Variants in CLK1 observed in about 807,000 individuals in gnomAD.
The protein encoded by CLK1 is CDC like kinase 1, also known as dual specificity protein kinase CLK1.
Under a neutral mutation model 60.9 loss-of-function variants are expected in CLK1, and 40 were observed. The ratio of observed to expected loss-of-function variants is 0.66; its 90% CI spans 0.51 to 0.86. The LOEUF (loss-of-function observed/expected upper bound fraction) is 0.86. CLK1 is among the 40% of genes least tolerant of loss of function. The pLI, the probability that CLK1 is intolerant of heterozygous loss-of-function variation, is 0.00. For missense variants in CLK1, 563 were observed against 606.1 expected, an observed-to-expected ratio of 0.93 and a Z score of 0.75; for synonymous variants, 203 against 184.4, an observed-to-expected ratio of 1.10 and a Z score of -0.82.
intron 3 of CLK1, chr2:200,860,704 G>A: frequency 1.0e-6 from 1 of 997,438 alleles, no homozygotes. Context: ...AAAAGATTTG[G>A]CATACAAGAA....
At chr2:200,860,045 T>C (rs2039110571) in intron 4 of CLK1, 80 bp downstream of exon 4, 1 of 1,532,328 alleles carries the variant, frequency 6.5e-7, no homozygotes, top group East Asian at 2.3e-5. Flanking sequence ...GAAAAAAAGA[T>C]TTCCAAATCC....
Position 200,853,886 on chromosome 2 carries a change from A to G in CLK1, c.1311+17T>C. The G allele has an allele frequency of 6.4e-7, 1 of 1,573,288 alleles. No homozygotes were observed. Among genetic ancestry groups the G allele is most frequent in the Non-Finnish European group, 8.7e-7 (1 of 1,154,824 alleles). ...AAACTCAGTTTTGACTATTTGAGCA[A>G]TGTCTCAAAGGCTTACCTTCAGAGG... On this transcript the variant is annotated intron_variant, in intron 12 of 12. Transcript: ENST00000321356.
At chr2:200,853,835 G>T in intron 12 of CLK1, 68 bp downstream of exon 12, 3 of 1,248,520 alleles carry the variant, frequency 2.4e-6, no homozygotes, top group Non-Finnish European at 2.3e-6. Flanking sequence ...ACGAAGCAAG[G>T]CTCGGTCTCA....
At chr2:200,857,914 A>G (rs1271454413) in intron 6 of CLK1, 30 bp from the exon 7 acceptor site, 1 of 1,612,058 alleles carries the variant, frequency 6.2e-7, no homozygotes, top group Non-Finnish European at 8.5e-7. Flanking sequence ...AGCTAAGTAT[A>G]GTTGCTCCTA....
chr2:200,860,097 T>A (rs1575079895), intron 4 of CLK1, 28 bp downstream of exon 4: 1 of 1,607,962 alleles, frequency 6.2e-7, no homozygotes, highest in East Asian at 2.2e-5. Flanking sequence ...ATCTGAAAAG[T>A]TAATAAGTGT....
rs34449560 is a variant in CLK1, at chr2:200,853,679, GAAAAAA to G, written c.1311+218_1311+223del. Among the ~76,000 whole-genome samples, 22 of 49,116 alleles carry G rather than the reference GAAAAAA, an allele frequency of 4.5e-4. No individual in the cohort carries two copies. In the East Asian group the frequency reaches 0.014, roughly 31 times the overall value. 32.2% of individuals were successfully genotyped at this position (49,116 alleles called of 152,430 possible). ...AACATAGTAAAACTTGTCTTTACTT[GAAAAAA>G]AAAAAAAAAAAAAAAAAAAAGCGTG... On this transcript the variant is annotated intron_variant, in intron 12 of 12. Coordinates refer to ENST00000321356, the MANE Select transcript of CLK1 (RefSeq NM_004071.4).
chr2:200,858,129 T>C (rs371867801), intron 5 of CLK1, 40 bp from the exon 6 acceptor site: 6 of 1,247,080 alleles, frequency 4.8e-6, no homozygotes, highest in East Asian at 2.3e-5. Flanking sequence ...ATGACAGACA[T>C]GATGCTCAAT....
At chr2:200,854,861 A>G in intron 10 of CLK1, 143 bp downstream of exon 10, 2 of 782,000 alleles carry the variant, frequency 2.6e-6, no homozygotes, top group South Asian at 3.5e-5. Context: ...TTTAAATAAA[A>G]CAATTATGAA....
Position 200,855,079 on chromosome 2 carries a change from C to A in CLK1, c.1065G>T (p.Gly355=). 2 of 1,598,628 alleles carry A rather than the reference C, an allele frequency of 1.3e-6. No homozygotes were observed. Among genetic ancestry groups the A allele is most frequent in the Non-Finnish European group, 1.7e-6 (2 of 1,175,902 alleles). Residue 355 remains glycine (G), a synonymous_variant, in exon 10 of 13, where the codon GGG becomes GGT. Transcript: ENST00000321356. ...TCCAGACATCACATGGTTGGGACCA[C>A]CCTAGGGCTGCAAAGCAAAGCAAAA... ...YRAPEVILAL[G]WSQPCDVWSI...
At chr2:200,853,570 G>C in intron 12 of CLK1, 121 bp from the exon 13 acceptor site, 2 of 915,962 alleles carry the variant, frequency 2.2e-6, no homozygotes, top group Non-Finnish European at 3.1e-6. Context: ...GCCAGGCATG[G>C]TCGCTCACGC....
chr2:200,861,485 T>C lies in CLK1; in HGVS notation c.162-19A>G, dbSNP rs199506650. The stretch of plus-strand genomic sequence containing the variant: ...ATAATGGCTAGAGAAATAAAAATTA[T>C]TTTCAATGTTTTATGCTAAGACCAA... On this transcript the variant is annotated intron_variant, in intron 2 of 12. Transcript: ENST00000321356. The C allele has an allele frequency of 1.2e-6, 2 of 1,609,752 alleles. No individual in the cohort carries two copies. The highest frequency in any genetic ancestry group is 2.2e-5 in the East Asian group (1 of 44,848).
chr2:200,862,380 T>C (rs538268250), intron 1 of CLK1, among the ~76,000 whole-genome samples: 1 of 152,334 alleles, frequency 6.6e-6, no homozygotes, highest in Admixed American at 6.5e-5. Flanking sequence ...CTGATCAATA[T>C]ACTTTGTAAT....
At chr2:200,853,819 T>A in intron 12 of CLK1, 84 bp downstream of exon 12, 2 of 1,077,520 alleles carry the variant, frequency 1.9e-6, no homozygotes, top group South Asian at 2.9e-5. Context: ...TACTCCAGCC[T>A]GGACAACGAA....
rs2301982 is a variant in CLK1 at position 200,857,708 on chromosome 2, A to G, written c.832+10T>C. 6.6e-4 allele frequency: 1,045 copies of G among 1,577,506 alleles called. 21 individuals are homozygous for G. In the East Asian group the frequency reaches 0.02, roughly 31 times the overall value. On this transcript the variant is annotated intron_variant, in intron 7 of 12. Coordinates refer to ENST00000321356, the MANE Select transcript of CLK1 (RefSeq NM_004071.4). ...ACCAGCAAATTAACGAAGATATACC[A>G]AGAACTTACAATTCACAGACTTGCA...
At chr2:200,861,633 ATT>A in intron 2 of CLK1, 67 bp downstream of exon 2, 1 of 1,581,270 alleles carries the variant, frequency 6.3e-7, no homozygotes, top group Non-Finnish European at 8.6e-7. Context: ...TCAGGTACTT[ATT>A]TTAAGTGATA....
At position 200,861,448 on chromosome 2, in the gene CLK1, C is replaced by T. The variant is rs1315039818; in HGVS notation, c.180G>A (p.Arg60=). ...KMCDSHYLES[R]SINEKDYHSR... ...TATGATAATCTTTCTCATTTATAGA[C>T]CTGCTTTCCAAATAATGGCTAGAGA... Residue 60 remains arginine, a synonymous_variant, in exon 3 of 13, where the codon AGG becomes AGA. Transcript: ENST00000321356. 4 of 1,612,512 alleles carry T rather than the reference C, an allele frequency of 2.5e-6. No homozygotes were observed. The highest frequency in any genetic ancestry group is 1.1e-5 in the South Asian group (1 of 90,554).
intron 5 of CLK1, among the ~76,000 whole-genome samples, chr2:200,858,806 TAACAACAACAAC>T (rs57925642): frequency 6.5e-5 from 9 of 137,808 alleles, no homozygotes; most frequent in Admixed American, 2.9e-4. Flanking sequence ...GGAAGAACAA[TAACAACAACAAC>T]AACAACAACA....
intron 5 of CLK1, among the ~76,000 whole-genome samples, chr2:200,858,757 T>C (rs1236184129): frequency 6.7e-6 from 1 of 149,462 alleles, no homozygotes; most frequent in African/African-American, 2.5e-5. Context: ...CAATCAATAG[T>C]AGGAAGCCCC....
intron 12 of CLK1, among the ~76,000 whole-genome samples, chr2:200,853,680 A>AAG (rs1559325140): frequency 9.2e-5 from 1 of 10,846 alleles, no homozygotes; most frequent in African/African-American, 2.6e-4. Flanking sequence ...TCTTTACTTG[A>AAG]AAAAAAAAAA....
Sources: gnomAD v4.1 joint callset for allele counts (sites outside exome capture counted in the v4.1 genomes callset) on GRCh38, gnomAD v4.1.1 for gene constraint, MANE v1.5 for transcripts, NCBI Gene and HGNC (gene_info 2026-07-23, HGNC 2026-07-21) for gene names.